The following VPS13B variants were observed in gnomAD, a reference collection of about 807,000 sequenced individuals.
The protein encoded by VPS13B is vacuolar protein sorting 13 homolog B, also known as intermembrane lipid transfer protein VPS13B.
VPS13B carries 285 observed loss-of-function variants against 426.4 expected under a neutral mutation model. The ratio of observed to expected loss-of-function variants is 0.67; its 90% CI spans 0.61 to 0.74. The LOEUF (loss-of-function observed/expected upper bound fraction) is 0.74, where lower values mean the gene tolerates loss of function less well. VPS13B is among the 30% of genes least tolerant of loss of function. The pLI is 0.00. For missense variants in VPS13B, 4,537 were observed against 4,782.6 expected (o/e 0.95, Z 1.51); for synonymous variants, 1,676 against 1,676.4 (o/e 1.00, Z 0.01).
At chr8:99,105,396 T>C (rs1846989923) in intron 5 of VPS13B, among the ~76,000 whole-genome samples, 1 of 152,210 alleles carries the variant, frequency 6.6e-6, no homozygotes, top group African/African-American at 2.4e-5. Flanking sequence ...TTAATTTTTT[T>C]GAGACAGAGT....
chr8:99,217,586 G>C (rs1290953819), intron 17 of VPS13B, among the ~76,000 whole-genome samples: 1 of 151,978 alleles, frequency 6.6e-6, no homozygotes, highest in Non-Finnish European at 1.5e-5. Context: ...ATTATATATG[G>C]GTATTTTTGT....
intron 33 of VPS13B, among the ~76,000 whole-genome samples, chr8:99,589,355 C>T (rs1826481914): frequency 6.6e-6 from 1 of 151,468 alleles, no homozygotes; most frequent in African/African-American, 2.4e-5. Flanking sequence ...TCCCTCCCCG[C>T]TCCCCCAACC....
At chr8:99,153,224 A>G (rs1424190589) in intron 14 of VPS13B, among the ~76,000 whole-genome samples, 1 of 152,130 alleles carries the variant, frequency 6.6e-6, no homozygotes, top group Non-Finnish European at 1.5e-5. Flanking sequence ...TGTAGACAAT[A>G]TATAGTTGGG....
intron 2 of VPS13B, among the ~76,000 whole-genome samples, chr8:99,032,297 G>C (rs1304655538): frequency 1.3e-5 from 2 of 152,238 alleles, no homozygotes; most frequent in East Asian, 3.9e-4. Flanking sequence ...TTGTGGAGGA[G>C]ATGAACATTG....
At chr8:99,090,341 C>T (rs899320276) in intron 3 of VPS13B, among the ~76,000 whole-genome samples, 2 of 150,566 alleles carry the variant, frequency 1.3e-5, no homozygotes, top group Non-Finnish European at 2.9e-5. Flanking sequence ...GATCTTGGCT[C>T]ACTGCAACCT....
chr8:99,473,139 T>C (rs1372909870), intron 24 of VPS13B, among the ~76,000 whole-genome samples: 2 of 152,036 alleles, frequency 1.3e-5, no homozygotes, highest in East Asian at 3.9e-4. Context: ...GAAGCATCCC[T>C]GCCCAACTGG....
At chr8:99,670,494 C>T (rs1830669033) in intron 35 of VPS13B, among the ~76,000 whole-genome samples, 2 of 151,934 alleles carry the variant, frequency 1.3e-5, no homozygotes, top group Non-Finnish European at 2.9e-5. Flanking sequence ...GGTGAGAACC[C>T]ATAAGATCTC....
At chr8:99,101,427 T>C (rs940782971) in intron 4 of VPS13B, among the ~76,000 whole-genome samples, 3 of 152,184 alleles carry the variant, frequency 2.0e-5, no homozygotes, top group Admixed American at 6.5e-5. Flanking sequence ...CCACCGTGCT[T>C]GGCCCCATTT....
chr8:99,227,073 A>G (rs1314726501), intron 17 of VPS13B, among the ~76,000 whole-genome samples: 2 of 152,196 alleles, frequency 1.3e-5, no homozygotes, highest in Non-Finnish European at 2.9e-5. Flanking sequence ...TCTGGTATCT[A>G]TCATTCTACT....
chr8:99,088,028 A>T (rs924386717), intron 3 of VPS13B, among the ~76,000 whole-genome samples: 3 of 151,924 alleles, frequency 2.0e-5, no homozygotes. Context: ...TACTGAAAAT[A>T]CAAAAATTAG....
intron 17 of VPS13B, among the ~76,000 whole-genome samples, chr8:99,260,723 A>G (rs1226621127): frequency 6.6e-6 from 1 of 151,982 alleles, no homozygotes; most frequent in Non-Finnish European, 1.5e-5. Flanking sequence ...AATGTGAGTT[A>G]TTGAATCTTC....
At chr8:99,579,655 C>T (rs564096605) in intron 33 of VPS13B, among the ~76,000 whole-genome samples, 1 of 152,138 alleles carries the variant, frequency 6.6e-6, no homozygotes, top group South Asian at 2.1e-4. Flanking sequence ...TCCTTGGCCT[C>T]CCAAAGTGCT....
chr8:99,381,095 C>G (rs956118344), intron 19 of VPS13B, among the ~76,000 whole-genome samples: 1 of 152,042 alleles, frequency 6.6e-6, no homozygotes, highest in African/African-American at 2.4e-5. Flanking sequence ...CTGTTTTTCT[C>G]CTCTATGTGT....
chr8:99,235,169 G>C (rs2132869276), intron 17 of VPS13B, among the ~76,000 whole-genome samples: 1 of 152,184 alleles, frequency 6.6e-6, no homozygotes, highest in East Asian at 1.9e-4. Context: ...AAAAAGTCTT[G>C]CTCCCACATC....
chr8:99,817,455 A>C, intron 44 of VPS13B, 85 bp from the exon 45 acceptor site: 1 of 1,525,290 alleles, frequency 6.6e-7, no homozygotes, highest in South Asian at 1.1e-5. Flanking sequence ...TAACATCAAC[A>C]TAGTTTACTC....
chr8:99,335,831 A>G (rs1810822861), intron 19 of VPS13B, among the ~76,000 whole-genome samples: 1 of 152,182 alleles, frequency 6.6e-6, no homozygotes, highest in African/African-American at 2.4e-5. Context: ...CTCTTCAAGG[A>G]GAACTACAAA....
At position 99,135,849 on chromosome 8, in the gene VPS13B, T is replaced by C. The variant is rs987917580; in HGVS notation, c.1563+116T>C. On this transcript the variant is annotated intron_variant, in intron 11 of 61. Transcript: ENST00000357162. Reference sequence around the variant, plus strand: ...TAATGCCTTCTGAATGCTAATTGTTTATTAAAACATTTAGAATGCATTTAT... The same window carrying C: ...TAATGCCTTCTGAATGCTAATTGTTCATTAAAACATTTAGAATGCATTTAT... The C allele has an allele frequency of 7.2e-6, 10 of 1,386,060 alleles. No individual in the cohort carries two copies. In the Admixed American group the frequency reaches 1.7e-4, roughly 23 times the overall value. 85.9% of individuals were successfully genotyped at this position (1,386,060 alleles called of 1,614,324 possible). A position where few individuals can be genotyped will look rare whatever the true frequency, so the allele number is the denominator to read the frequency against.
chr8:99,463,778 C>A (rs965565491), intron 23 of VPS13B, among the ~76,000 whole-genome samples: 1 of 151,980 alleles, frequency 6.6e-6, no homozygotes, highest in Non-Finnish European at 1.5e-5. Flanking sequence ...CTGGAGCCTC[C>A]GCCTCCCGAG....
At chr8:99,790,535 G>A (rs755299876) in intron 43 of VPS13B, among the ~76,000 whole-genome samples, 1 of 152,130 alleles carries the variant, frequency 6.6e-6, no homozygotes, top group Non-Finnish European at 1.5e-5. Context: ...GGATATCATT[G>A]CAGTAGTTCA....
Sources: allele counts gnomAD v4.1 joint callset (sites outside exome capture counted in the v4.1 genomes callset), GRCh38; gene constraint gnomAD v4.1.1; transcripts MANE v1.5; gene names NCBI Gene and HGNC (gene_info 2026-07-23, HGNC 2026-07-21).